The following SLIT3 variants were observed in gnomAD, a reference collection of about 807,000 sequenced individuals.
SLIT3 encodes slit guidance ligand 3.
Under a neutral mutation model 184.0 loss-of-function variants are expected in SLIT3, and 68 were observed. That is an observed-to-expected ratio of 0.37 (90% CI 0.30 to 0.45). The LOEUF is 0.45. SLIT3 is among the 20% of genes least tolerant of loss of function. SLIT3 has a pLI of 1.00. For synonymous variants in SLIT3, 831 were observed against 828.6 expected, an observed-to-expected ratio of 1.00 and a Z score of -0.05; for missense variants, 1,707 against 2,026.0, an observed-to-expected ratio of 0.84 and a Z score of 3.02.
chr5:168,901,550 A>G lies in SLIT3; in HGVS notation c.414-18214T>C, dbSNP rs182443156. Among the ~76,000 whole-genome samples, 152 of 152,294 alleles carry G rather than the reference A, an allele frequency of 1.0e-3. 1 individual carries two copies. The highest frequency in any genetic ancestry group is 3.4e-3 in the Middle Eastern group (1 of 294). On this transcript the variant is annotated intron_variant, in intron 4 of 35. Transcript: ENST00000519560. ...AGGACCAACACCCCAACTATTACTG[A>G]TCCTATTAAAAAGGAAGCATCTTTT...
intron 4 of SLIT3, among the ~76,000 whole-genome samples, chr5:169,080,053 G>C (rs947529772): frequency 1.3e-5 from 2 of 151,214 alleles, no homozygotes; most frequent in African/African-American, 2.4e-5. Flanking sequence ...ATAGGGGAGA[G>C]AGATGGGCTC....
chr5:168,827,927 G>A (rs3923276), intron 6 of SLIT3, among the ~76,000 whole-genome samples: 48,612 of 152,094 alleles, frequency 0.32, 11,674 homozygotes, highest in African/African-American at 0.68. Flanking sequence ...TGACACACAG[G>A]CCATATGGCT....
At position 168,789,627 on chromosome 5, in the gene SLIT3, T is replaced by C. The variant is rs774971389; in HGVS notation, c.1012A>G (p.Ile338Val). ...ATATCCGATATCTGATTCTTGCTGA[T>C]GTCTCTGAAAACGTTAACGGTAAAG... The part of the protein sequence containing the change: ...TQYKKLKRID[I>V]SKNQISDIAP... The change falls in exon 11 of 36, where the codon ATC (isoleucine) becomes GTC (valine). Residue 338 changes from isoleucine to valine, a missense_variant. By Grantham distance (29) the Ile-to-Val change is conservative. Coordinates refer to ENST00000519560, the MANE Select transcript of SLIT3 (RefSeq NM_003062.4). 6 of 1,613,420 alleles carry C rather than the reference T, an allele frequency of 3.7e-6. No individual in the cohort carries two copies. Among genetic ancestry groups the C allele is most frequent in the Admixed American group, 1.7e-5 (1 of 59,994 alleles).
In SLIT3 at chr5:168,666,665, A is replaced by G. The variant is rs146090354; in HGVS notation, c.4361T>C (p.Val1454Ala). Residue 1454 changes from valine to alanine, a missense_variant, in exon 36 of 36, where the codon GTC becomes GCC. Transcript: ENST00000519560. ...TTTCTGGCGGCGGATCACCTCTCGG[A>G]CTACTTGTCCCAGGCACGGATTCTC... ...QQENPCLGQV[V>A]REVIRRQKGY... is the part of the protein sequence containing the mutation. The G allele has an allele frequency of 1.9e-6, 3 of 1,614,160 alleles. No individual in the cohort carries two copies. Among genetic ancestry groups the G allele is most frequent in the Non-Finnish European group, 2.5e-6 (3 of 1,180,042 alleles).
intron 7 of SLIT3, among the ~76,000 whole-genome samples, chr5:168,817,942 C>T (rs1042583588): frequency 2.0e-5 from 3 of 151,984 alleles, no homozygotes; most frequent in Admixed American, 6.5e-5. Context: ...AGTTGTTCTT[C>T]GTTCCCCCGC....
intron 4 of SLIT3, among the ~76,000 whole-genome samples, chr5:169,034,219 C>A (rs1042919326): frequency 1.3e-5 from 2 of 152,030 alleles, no homozygotes; most frequent in African/African-American, 4.8e-5. Context: ...TTGATTATTT[C>A]CTTTGCTATG....
chr5:169,149,910 A>G (rs981206175), intron 4 of SLIT3, among the ~76,000 whole-genome samples: 4 of 152,194 alleles, frequency 2.6e-5, no homozygotes, highest in African/African-American at 9.7e-5. Flanking sequence ...GCCAGGAACT[A>G]TGCCAAGTAC....
rs550720887 is a variant in SLIT3 at position 169,051,799 on chromosome 5, A to G, written c.413+141680T>C. On this transcript the variant is annotated intron_variant, in intron 4 of 35. Coordinates refer to ENST00000519560, the MANE Select transcript of SLIT3 (RefSeq NM_003062.4). ...GGGCTTATGAGCCAGGTCGTTCTAC[A>G]GCACTGGAGAGAGGGGGAGAGACAG... Among the ~76,000 whole-genome samples the G allele has an allele frequency of 2.0e-5, 3 of 152,334 alleles. No homozygotes were observed. The South Asian group carries it at 6.2e-4, about 32-fold the overall frequency.
intron 4 of SLIT3, among the ~76,000 whole-genome samples, chr5:169,149,687 G>C (rs1452521689): frequency 6.6e-6 from 1 of 152,174 alleles, no homozygotes; most frequent in Admixed American, 6.5e-5. Context: ...TTAAAATCTG[G>C]TTACACAAAA....
chr5:169,226,337 C>T (rs1050160465), intron 3 of SLIT3, among the ~76,000 whole-genome samples: 1 of 151,992 alleles, frequency 6.6e-6, no homozygotes, highest in African/African-American at 2.4e-5. Context: ...CTCTGCAGCC[C>T]CTTTTCTTCC....
intron 4 of SLIT3, among the ~76,000 whole-genome samples, chr5:169,092,137 C>T (rs968875830): frequency 3.9e-5 from 6 of 152,222 alleles, no homozygotes; most frequent in Admixed American, 1.3e-4. Context: ...GCAGGAGAAT[C>T]GTTTAAACCC....
intron 4 of SLIT3, among the ~76,000 whole-genome samples, chr5:169,142,247 T>A (rs1388995294): frequency 6.6e-6 from 1 of 152,138 alleles, no homozygotes; most frequent in East Asian, 1.9e-4. Context: ...TCTCTTTTAA[T>A]AAAACAGAAT....
intron 4 of SLIT3, among the ~76,000 whole-genome samples, chr5:169,000,755 T>C (rs1218503250): frequency 6.6e-6 from 1 of 152,226 alleles, no homozygotes; most frequent in Non-Finnish European, 1.5e-5. Context: ...TGACAGTTAT[T>C]AGAGCTCTGA....
chr5:169,179,276 CTTTTTTTTT>C (rs370270230), intron 4 of SLIT3, among the ~76,000 whole-genome samples: 6 of 125,048 alleles, frequency 4.8e-5, no homozygotes, highest in Non-Finnish European at 9.9e-5. Context: ...ATTCCTTTTT[CTTTTTTTTT>C]TTTTTTTTTT....
intron 9 of SLIT3, among the ~76,000 whole-genome samples, chr5:168,802,642 A>G (rs1756809821): frequency 6.6e-6 from 1 of 152,154 alleles, no homozygotes; most frequent in Non-Finnish European, 1.5e-5. Context: ...TCTCAACCAT[A>G]ACCCTTCAAA....
At chr5:168,853,460 G>A (rs1045439360) in intron 5 of SLIT3, among the ~76,000 whole-genome samples, 5 of 152,080 alleles carry the variant, frequency 3.3e-5, no homozygotes, top group South Asian at 2.1e-4. Flanking sequence ...TTAACATTCC[G>A]TAAGCTGTAC....
chr5:168,962,564 G>GA (rs983493586), intron 4 of SLIT3, among the ~76,000 whole-genome samples: 145 of 144,296 alleles, frequency 1.0e-3, no homozygotes, highest in African/African-American at 2.6e-3. Flanking sequence ...GAAAAGAAAA[G>GA]AAAAAAAAAA....
chr5:168,723,428 C>A (rs1476273599), intron 21 of SLIT3, among the ~76,000 whole-genome samples: 12 of 150,342 alleles, frequency 8.0e-5, no homozygotes, highest in Non-Finnish European at 1.5e-5. Flanking sequence ...CTTATTCAAT[C>A]ATTCAAGCAA....
intron 4 of SLIT3, among the ~76,000 whole-genome samples, chr5:168,924,903 G>A (rs1033537610): frequency 4.6e-5 from 7 of 152,116 alleles, no homozygotes; most frequent in Non-Finnish European, 7.4e-5. Flanking sequence ...AGAGCAGAGC[G>A]GAGAAAGAAA....
Sources: allele counts gnomAD v4.1 joint callset (sites outside exome capture counted in the v4.1 genomes callset), GRCh38; gene constraint gnomAD v4.1.1; transcripts MANE v1.5; gene names NCBI Gene and HGNC (gene_info 2026-07-23, HGNC 2026-07-21).